PTPRD: variants seen among roughly 807,000 people sequenced by gnomAD.
PTPRD encodes protein tyrosine phosphatase receptor type D.
Under a neutral mutation model 214.5 loss-of-function variants are expected in PTPRD, and 34 were observed. The observed-to-expected ratio is 0.16, with a 90% CI of 0.12 to 0.21. The LOEUF is 0.21. Ranked by LOEUF, PTPRD falls within the 10% of genes least tolerant of loss-of-function variation. The pLI is 1.00. For synonymous variants in PTPRD, 1,128 were observed against 845.7 expected (o/e 1.33, Z -5.79); for missense variants, 2,545 against 2,398.7 (o/e 1.06, Z -1.27).
chr9:8,382,677 A>T (rs193119419), intron 37 of PTPRD, among the ~76,000 whole-genome samples: 12 of 152,364 alleles, frequency 7.9e-5, no homozygotes, highest in African/African-American at 2.9e-4. Flanking sequence ...AACATCCTTT[A>T]GATTGCCAAC....
chr9:8,731,756 A>G (rs1229576823), intron 12 of PTPRD, among the ~76,000 whole-genome samples: 1 of 152,200 alleles, frequency 6.6e-6, no homozygotes, highest in Non-Finnish European at 1.5e-5. Context: ...ATATGGTTAA[A>G]TTTTCCTCTT....
intron 12 of PTPRD, among the ~76,000 whole-genome samples, chr9:8,698,328 A>T (rs1380776197): frequency 6.6e-6 from 1 of 152,222 alleles, no homozygotes; most frequent in Non-Finnish European, 1.5e-5. Context: ...GAAAATCAAG[A>T]ATCAAGGACA....
At chr9:8,407,904 A>T (rs372757619) in intron 35 of PTPRD, among the ~76,000 whole-genome samples, 51 of 152,358 alleles carry the variant, frequency 3.3e-4, no homozygotes, top group African/African-American at 1.1e-3. Context: ...ACAGCAGTAA[A>T]CTCAGTAAAG....
intron 3 of PTPRD, among the ~76,000 whole-genome samples, chr9:10,278,921 C>CCCG (rs1564976713): frequency 6.6e-6 from 1 of 152,010 alleles, no homozygotes; most frequent in East Asian, 1.9e-4. Flanking sequence ...ACTACAGGCA[C>CCCG]ACACCACCAC....
At chr9:10,515,720 C>T (rs2757859) in intron 2 of PTPRD, among the ~76,000 whole-genome samples, 106,676 of 151,734 alleles carry the variant, frequency 0.7, 37,876 homozygotes, top group Non-Finnish European at 0.76. Context: ...TTAAATTATA[C>T]ACCTGCTGAA....
chr9:8,904,561 A>G (rs2098694226), intron 11 of PTPRD, among the ~76,000 whole-genome samples: 1 of 151,506 alleles, frequency 6.6e-6, no homozygotes, highest in South Asian at 2.1e-4. Context: ...AGTCCCAGCT[A>G]CTCTGGAGGC....
chr9:9,301,410 A>T (rs1162956290), intron 9 of PTPRD, among the ~76,000 whole-genome samples: 1 of 151,876 alleles, frequency 6.6e-6, no homozygotes, highest in African/African-American at 2.4e-5. Context: ...AACAACGACC[A>T]TCATAAAGAT....
At chr9:8,996,294 A>G (rs1567479469) in intron 11 of PTPRD, among the ~76,000 whole-genome samples, 1 of 152,098 alleles carries the variant, frequency 6.6e-6, no homozygotes, top group East Asian at 1.9e-4. Flanking sequence ...AAAAATAAAA[A>G]CAAAAATGAA....
At chr9:9,250,730 A>G (rs1458119759) in intron 9 of PTPRD, among the ~76,000 whole-genome samples, 1 of 152,094 alleles carries the variant, frequency 6.6e-6, no homozygotes, top group Non-Finnish European at 1.5e-5. Context: ...GCAACCTATG[A>G]AACAGCAAAA....
intron 3 of PTPRD, among the ~76,000 whole-genome samples, chr9:10,072,180 A>G (rs557139602): frequency 2.1e-4 from 32 of 152,246 alleles, no homozygotes; most frequent in Middle Eastern, 6.8e-3. Context: ...CATTCAAAAC[A>G]TAAGCAAAAG....
chr9:10,136,370 T>C (rs900228343), intron 3 of PTPRD, among the ~76,000 whole-genome samples: 1 of 152,022 alleles, frequency 6.6e-6, no homozygotes, highest in Non-Finnish European at 1.5e-5. Flanking sequence ...ACTCGACACT[T>C]GACGAATTGT....
At chr9:9,082,276 A>C (rs2099760397) in intron 10 of PTPRD, among the ~76,000 whole-genome samples, 1 of 152,184 alleles carries the variant, frequency 6.6e-6, no homozygotes, top group Non-Finnish European at 1.5e-5. Context: ...AGTTAGCTTC[A>C]TCCCTGGGAC....
chr9:10,221,836 A>G (rs2099572260), intron 3 of PTPRD, among the ~76,000 whole-genome samples: 1 of 151,906 alleles, frequency 6.6e-6, no homozygotes, highest in Admixed American at 6.6e-5. Flanking sequence ...TAATACAAGC[A>G]CTTGTGAAAG....
At chr9:10,187,184 G>GT (rs902500710) in intron 3 of PTPRD, among the ~76,000 whole-genome samples, 49 of 151,626 alleles carry the variant, frequency 3.2e-4, no homozygotes, top group African/African-American at 3.9e-4. Flanking sequence ...AAAATGCTGT[G>GT]TTTTTTTTAA....
intron 12 of PTPRD, among the ~76,000 whole-genome samples, chr9:8,689,939 T>C (rs926877198): frequency 6.6e-6 from 1 of 151,864 alleles, no homozygotes; most frequent in South Asian, 2.1e-4. Context: ...GAAACTCCCA[T>C]CTCTACTAAA....
rs879475314 is a variant in PTPRD at position 10,422,607 on chromosome 9, G to GA, written c.-599-81591dup. On this transcript the variant is annotated intron_variant, in intron 2 of 45. Transcript: ENST00000381196. The stretch of plus-strand genomic sequence containing the variant: ...ACAAAGAACTTAAACAAATTTACAA[G>GA]AAAAAAAACAAACAACCCCATCAAA... Among the ~76,000 whole-genome samples the GA allele has an allele frequency of 6.4e-4, 97 of 151,214 alleles. 3 individuals are homozygous for GA. The East Asian group carries it at 0.011, about 17-fold the overall frequency.
chr9:8,755,530 A>AT (rs59004436), intron 11 of PTPRD, among the ~76,000 whole-genome samples: 37 of 104,760 alleles, frequency 3.5e-4, no homozygotes, highest in African/African-American at 2.5e-3. Flanking sequence ...ACTCTGTCTC[A>AT]AAAAAAAAAA....
intron 9 of PTPRD, among the ~76,000 whole-genome samples, chr9:9,350,347 T>C (rs936387637): frequency 1.3e-5 from 2 of 152,074 alleles, no homozygotes; most frequent in African/African-American, 4.8e-5. Context: ...TGCATACAAA[T>C]GTTATTCCTG....
intron 14 of PTPRD, among the ~76,000 whole-genome samples, chr9:8,624,421 C>A (rs1224370197): frequency 6.6e-6 from 1 of 151,814 alleles, no homozygotes; most frequent in Non-Finnish European, 1.5e-5. Context: ...GTTCTTCACC[C>A]TCCCTTCCCT....
Sources: allele counts gnomAD v4.1 joint callset (sites outside exome capture counted in the v4.1 genomes callset), GRCh38; gene constraint gnomAD v4.1.1; transcripts MANE v1.5; gene names NCBI Gene and HGNC (gene_info 2026-07-23, HGNC 2026-07-21).